FANCD2: variants seen among roughly 807,000 people sequenced by gnomAD.
FANCD2 encodes FA complementation group D2.
In FANCD2, 131 loss-of-function variants were observed where a neutral mutation model predicts 192.3. The ratio of observed to expected loss-of-function variants is 0.68; its 90% CI spans 0.59 to 0.79. FANCD2 has a LOEUF of 0.79. FANCD2 is among the 30% of genes least tolerant of loss of function. The pLI is 0.00. For synonymous variants in FANCD2, 524 were observed against 612.5 expected (o/e 0.86, Z 2.13); for missense variants, 1,508 against 1,701.6 (o/e 0.89, Z 2.00).
chr3:10,065,512 C>G lies in FANCD2; in HGVS notation c.2269+18C>G. 6.8e-7 allele frequency: 1 copy of G among 1,480,080 alleles called. No individual in the cohort carries two copies. Among genetic ancestry groups the G allele is most frequent in the Non-Finnish European group, 9.5e-7 (1 of 1,057,506 alleles). The allele number at this position is 1,480,080 out of a possible 1,614,324, so 91.7% of individuals were successfully genotyped here. The stretch of plus-strand genomic sequence containing the variant: ...TCTACTAGGTATGGGATGAAGTCAT[C>G]AGATCCTTTCTTCTTTATACTCTTC... On this transcript the variant is annotated intron_variant, in intron 24 of 43. Coordinates refer to ENST00000675286, the MANE Select transcript of FANCD2 (RefSeq NM_001018115.3).
At chr3:10,069,462 T>TCG (rs1455858567) in intron 26 of FANCD2, among the ~76,000 whole-genome samples, 6 of 121,614 alleles carry the variant, frequency 4.9e-5, no homozygotes, top group African/African-American at 2.8e-4. Context: ...TTAAGATGCC[T>TCG]CTCCCCCTCC....
Position 10,062,128 on chromosome 3 carries a change from A to T in FANCD2, c.1767-23A>T, listed in dbSNP as rs181851717. 743 of 1,314,208 alleles carry T rather than the reference A, an allele frequency of 5.7e-4. 2 individuals are homozygous for T. The highest frequency in any genetic ancestry group is 2.7e-3 in the African/African-American group (95 of 34,910). The allele number at this position is 1,314,208 out of a possible 1,614,324, so 81.4% of individuals were successfully genotyped here. On this transcript the variant is annotated intron_variant, in intron 19 of 43. Coordinates refer to ENST00000675286, the MANE Select transcript of FANCD2 (RefSeq NM_001018115.3). ...AAAACTTAAAGTATAATAATAATTT[A>T]AAAAAAAATTCTTTGTTTTTAGAAG... is the stretch of plus-strand genomic sequence containing the variant.
chr3:10,043,682 C>T (rs1285344632), intron 13 of FANCD2, 90 bp downstream of exon 13: 1 of 1,349,238 alleles, frequency 7.4e-7, no homozygotes, highest in Non-Finnish European at 1.1e-6. Flanking sequence ...ATAAAAATCT[C>T]AAAACTCATT....
Position 10,101,622 on chromosome 3 carries a change from A to G in FANCD2, c.*360A>G, listed in dbSNP as rs2125106324. 3.1e-6 allele frequency: 1 copy of G among 327,456 alleles called. No homozygotes were observed. The highest frequency in any genetic ancestry group is 9.7e-4 in the Middle Eastern group (1 of 1,028). The allele number at this position is 327,456 out of a possible 1,614,324, so 20.3% of individuals were successfully genotyped here. A position where few individuals can be genotyped will look rare whatever the true frequency, so the allele number is the denominator to read the frequency against. On this transcript the variant is annotated 3_prime_UTR_variant, in exon 44 of 44. Coordinates refer to ENST00000675286, the MANE Select transcript of FANCD2 (RefSeq NM_001018115.3). ...ATGGTCTCAATCTCCTGAACTCATG[A>G]TCCACCTGCCTCAGCCTCCCAAAGT...
At chr3:10,085,602 A>G (rs1694144158) in intron 32 of FANCD2, among the ~76,000 whole-genome samples, 1 of 151,654 alleles carries the variant, frequency 6.6e-6, no homozygotes, top group Non-Finnish European at 1.5e-5. Context: ...GTGTTGGCCA[A>G]GATGGTCTCC....
chr3:10,040,630 G>A (rs1389855261), intron 9 of FANCD2: 6 of 454,258 alleles, frequency 1.3e-5, no homozygotes, highest in South Asian at 9.4e-5. Flanking sequence ...TGGTAGGGAA[G>A]TATTGAAGAA....
intron 6 of FANCD2, 36 bp downstream of exon 6, chr3:10,035,269 A>C: frequency 6.4e-7 from 1 of 1,573,536 alleles, no homozygotes; most frequent in Non-Finnish European, 8.7e-7. Context: ...CATTTGATGG[A>C]AGAGGTTTGT....
Position 10,056,803 on chromosome 3 carries a change from T to C in FANCD2, c.1657-3491T>C, listed in dbSNP as rs1276443841. Among the ~76,000 whole-genome samples the C allele has an allele frequency of 3.9e-5, 6 of 152,358 alleles. No individual in the cohort carries two copies. In the East Asian group the frequency reaches 1.2e-3, roughly 29 times the overall value. Reference sequence around the variant, plus strand: ...TGTTAAGCATCTTTTCATGTACTTCTTGGCCATTTCTATATTTTTGTAGAA... The same window carrying C: ...TGTTAAGCATCTTTTCATGTACTTCCTGGCCATTTCTATATTTTTGTAGAA... On this transcript the variant is annotated intron_variant, in intron 18 of 43. Transcript: ENST00000675286.
At chr3:10,100,346 G>T (rs562381605) in intron 43 of FANCD2, among the ~76,000 whole-genome samples, 2 of 152,226 alleles carry the variant, frequency 1.3e-5, no homozygotes, top group South Asian at 2.1e-4. Flanking sequence ...ACAGAATTTT[G>T]TACTGGATTC....
At chr3:10,052,554 G>C in intron 18 of FANCD2, 57 bp downstream of exon 18, 1 of 1,194,488 alleles carries the variant, frequency 8.4e-7, no homozygotes. Flanking sequence ...GTCTAGCTCT[G>C]TCTCCTAGAC....
intron 11 of FANCD2, 52 bp from the exon 12 acceptor site, chr3:10,042,998 C>T: frequency 3.4e-6 from 5 of 1,454,930 alleles, no homozygotes; most frequent in Non-Finnish European, 4.8e-6. Flanking sequence ...CTGGACTGTG[C>T]CTACCCACTA....
At chr3:10,042,759 G>T in intron 11 of FANCD2, 96 bp downstream of exon 11, 1 of 982,590 alleles carries the variant, frequency 1.0e-6, no homozygotes, top group Non-Finnish European at 1.6e-6. Context: ...GACTAATCCG[G>T]ATAGCATTCA....
At chr3:10,098,509 T>A (rs1429921553) in intron 42 of FANCD2, among the ~76,000 whole-genome samples, 1 of 152,184 alleles carries the variant, frequency 6.6e-6, no homozygotes, top group Non-Finnish European at 1.5e-5. Context: ...TTTCGTTACA[T>A]TACTTATTGT....
chr3:10,049,351 T>G (rs10222446), intron 16 of FANCD2, 23 bp from the exon 17 acceptor site: 1 of 1,388,486 alleles, frequency 7.2e-7, no homozygotes, highest in Non-Finnish European at 1.0e-6. Context: ...TTTACACTGT[T>G]CTGTTGACTC....
chr3:10,043,126 A>G lies in FANCD2; in HGVS notation c.965A>G (p.Lys322Arg). ...TCACGGTTACAGGCTTCCCAAGTAA[A>G]GTTGAAAAGTAAAGGACGAGCAAGG... ...LPSRLQASQV[K>R]LKSKGRASSS... Residue 322 changes from lysine (K) to arginine (R), a missense_variant, in exon 12 of 44, where the codon AAG (lysine) becomes AGG (arginine). Transcript: ENST00000675286. 1 of 1,614,154 alleles carries G rather than the reference A, an allele frequency of 6.2e-7. No homozygotes were observed. The highest frequency in any genetic ancestry group is 8.5e-7 in the Non-Finnish European group (1 of 1,180,012).
intron 14 of FANCD2, among the ~76,000 whole-genome samples, chr3:10,044,390 G>A (rs891726334): frequency 2.6e-5 from 4 of 151,518 alleles, no homozygotes; most frequent in Admixed American, 6.6e-5. Context: ...ATGATTGGCC[G>A]GGCGCGGTAG....
intron 39 of FANCD2, 140 bp from the exon 40 acceptor site, chr3:10,094,149 C>A: frequency 2.9e-6 from 2 of 693,704 alleles, no homozygotes; most frequent in Non-Finnish European, 2.5e-6. Context: ...TCCAAATAAA[C>A]CTTTTGGACC....
intron 2 of FANCD2, among the ~76,000 whole-genome samples, chr3:10,029,067 A>G (rs2086527290): frequency 6.6e-6 from 1 of 152,236 alleles, no homozygotes. Flanking sequence ...TTGGAAAAAA[A>G]ATATTATGAT....
chr3:10,054,426 CATGTATATACATGTATATACATAT>C (rs1349928566), intron 18 of FANCD2, among the ~76,000 whole-genome samples: 3 of 51,970 alleles, frequency 5.8e-5, no homozygotes, highest in Non-Finnish European at 8.6e-5. Context: ...TACATATATA[CATGTATATACATGTATATACATAT>C]ATATATATAT....
Sources: allele counts gnomAD v4.1 joint callset (sites outside exome capture counted in the v4.1 genomes callset), GRCh38; gene constraint gnomAD v4.1.1; transcripts MANE v1.5; gene names NCBI Gene and HGNC (gene_info 2026-07-23, HGNC 2026-07-21).